Variants in BAZ2B observed in about 807,000 individuals in gnomAD.
The protein encoded by BAZ2B is bromodomain adjacent to zinc finger domain protein 2B.
In BAZ2B, 91 loss-of-function variants were observed where a neutral mutation model predicts 246.0. The ratio of observed to expected loss-of-function variants is 0.37; its 90% CI spans 0.31 to 0.44. The LOEUF is 0.44. Among genes scored for constraint, BAZ2B ranks in the 20% least tolerant of loss-of-function variants. BAZ2B has a pLI of 1.00. For missense variants in BAZ2B, 2,332 were observed against 2,533.7 expected (o/e 0.92, Z 1.71); for synonymous variants, 855 against 860.0 (o/e 0.99, Z 0.10).
the BAZ2B span, among the ~76,000 whole-genome samples, chr2:159,691,693 T>C: frequency 4.6e-5 from 7 of 152,206 alleles, no homozygotes; most frequent in African/African-American, 1.7e-4. Context: ...CTAGTAGCGC[T>C]TGGTATGGAT....
At chr2:159,584,093 G>T (rs1361814782) in intron 1 of BAZ2B, among the ~76,000 whole-genome samples, 3 of 151,790 alleles carry the variant, frequency 2.0e-5, no homozygotes, top group Non-Finnish European at 2.9e-5. Context: ...TCATGGTGGG[G>T]TGTGAACACA....
At chr2:159,345,441 T>C (rs1382680284) in intron 31 of BAZ2B, among the ~76,000 whole-genome samples, 1 of 152,222 alleles carries the variant, frequency 6.6e-6, no homozygotes, top group Non-Finnish European at 1.5e-5. Context: ...ATGTACTCCA[T>C]GATACTGTAC....
chr2:159,704,476 C>T, the BAZ2B span, among the ~76,000 whole-genome samples: 2 of 111,288 alleles, frequency 1.8e-5, no homozygotes, highest in East Asian at 3.0e-4. Context: ...CTCTATCTTT[C>T]TTTTTCTTTT....
At chr2:159,440,661 G>A (rs1248119646) in intron 6 of BAZ2B, among the ~76,000 whole-genome samples, 9 of 151,786 alleles carry the variant, frequency 5.9e-5, no homozygotes, top group Admixed American at 3.3e-4. Flanking sequence ...GATTACAGGC[G>A]CCTGCCACCA....
chr2:159,658,132 C>T, the BAZ2B span, among the ~76,000 whole-genome samples: 1 of 152,058 alleles, frequency 6.6e-6, no homozygotes, highest in Admixed American at 6.5e-5. Context: ...AGATTTTTGT[C>T]ATAAATGGGT....
At chr2:159,639,479 TC>T in the BAZ2B span, among the ~76,000 whole-genome samples, 1 of 152,134 alleles carries the variant, frequency 6.6e-6, no homozygotes, top group Admixed American at 6.5e-5. Flanking sequence ...TACAAGCATT[TC>T]TAGACATAGA....
chr2:159,569,943 CA>C (rs1237679627), intron 1 of BAZ2B, among the ~76,000 whole-genome samples: 4 of 151,798 alleles, frequency 2.6e-5, no homozygotes, highest in African/African-American at 9.7e-5. Flanking sequence ...GATTAAAATA[CA>C]AAAAAAATCC....
intron 19 of BAZ2B, 130 bp from the exon 20 acceptor site, chr2:159,395,964 A>G (rs950559613): frequency 2.8e-6 from 2 of 715,300 alleles, no homozygotes; most frequent in Middle Eastern, 5.2e-4. Flanking sequence ...GACAAGTCAC[A>G]GTAAATACTA....
intron 1 of BAZ2B, among the ~76,000 whole-genome samples, chr2:159,601,545 A>AC (rs1208545692): frequency 1.3e-5 from 2 of 151,898 alleles, no homozygotes; most frequent in Non-Finnish European, 2.9e-5. Context: ...ACATGCAGAA[A>AC]CCCCGCCTCT....
intron 4 of BAZ2B, among the ~76,000 whole-genome samples, 189 bp from the exon 5 acceptor site, chr2:159,448,598 T>C (rs1431542494): frequency 2.6e-5 from 4 of 152,204 alleles, no homozygotes; most frequent in Non-Finnish European, 4.4e-5. Context: ...CTCTTCTCAT[T>C]AGGTCAGTAT....
At chr2:159,403,273 T>C (rs1279048463) in intron 16 of BAZ2B, among the ~76,000 whole-genome samples, 1 of 152,212 alleles carries the variant, frequency 6.6e-6, no homozygotes. Context: ...GATGGTATTC[T>C]GAGATTGGCC....
At chr2:159,330,605 A>G (rs2064564677) in intron 34 of BAZ2B, among the ~76,000 whole-genome samples, 2 of 152,106 alleles carry the variant, frequency 1.3e-5, no homozygotes, top group Non-Finnish European at 2.9e-5. Flanking sequence ...TCACACCTGT[A>G]ATCCCAGACT....
chr2:159,679,287 A>AAAAAAC, the BAZ2B span, among the ~76,000 whole-genome samples: 2 of 139,972 alleles, frequency 1.4e-5, no homozygotes, highest in Admixed American at 7.8e-5. Context: ...AAAAAAAAAA[A>AAAAAAC]AAAAAAAGAT....
intron 1 of BAZ2B, among the ~76,000 whole-genome samples, chr2:159,558,664 A>G (rs566277885): frequency 6.6e-6 from 1 of 152,328 alleles, no homozygotes; most frequent in East Asian, 1.9e-4. Flanking sequence ...ATATGAAGAA[A>G]AAAACAGAAC....
chr2:159,374,433 C>T (rs1222775624), intron 26 of BAZ2B, among the ~76,000 whole-genome samples: 1 of 152,104 alleles, frequency 6.6e-6, no homozygotes, highest in Non-Finnish European at 1.5e-5. Flanking sequence ...TCTTTCTAGG[C>T]TCTGATTAAG....
chr2:159,578,617 T>C (rs1032438467), intron 1 of BAZ2B, among the ~76,000 whole-genome samples: 9 of 152,164 alleles, frequency 5.9e-5, no homozygotes, highest in African/African-American at 1.2e-4. Flanking sequence ...ATCAACAGAA[T>C]ATACATTCTT....
intron 6 of BAZ2B, 39 bp downstream of exon 6, chr2:159,446,743 T>G (rs780751742): frequency 6.6e-7 from 1 of 1,516,090 alleles, no homozygotes; most frequent in Admixed American, 2.1e-5. Flanking sequence ...ATCTTATATA[T>G]AGATCTGTTA....
At position 159,419,407 on chromosome 2, in the gene BAZ2B, T is replaced by C. The variant is rs186154215; in HGVS notation, c.2467-6862A>G. Among the ~76,000 whole-genome samples the C allele has an allele frequency of 8.5e-5, 13 of 152,304 alleles. 1 individual carries two copies. The highest frequency in any genetic ancestry group is 7.2e-4 in the Admixed American group (11 of 15,296). On this transcript the variant is annotated intron_variant, in intron 13 of 36. Transcript: ENST00000392783. ...TTTTGTTGGATTTCCTTATGCCTTT[T>C]CAATTTAGTATTATGTCTATTTCTA...
intron 36 of BAZ2B, among the ~76,000 whole-genome samples, chr2:159,323,673 G>A (rs985723429): frequency 3.3e-5 from 5 of 151,826 alleles, no homozygotes; most frequent in Admixed American, 2.0e-4. Context: ...GCATGGTGGC[G>A]TGCACCTGTA....
Sources: gnomAD v4.1 joint callset for allele counts (sites outside exome capture counted in the v4.1 genomes callset) on GRCh38, gnomAD v4.1.1 for gene constraint, MANE v1.5 for transcripts, NCBI Gene and HGNC (gene_info 2026-07-23, HGNC 2026-07-21) for gene names.